ZNF227: variants seen among roughly 807,000 people sequenced by gnomAD.
ZNF227 encodes the protein zinc finger protein 227.
ZNF227 carries 12 observed loss-of-function variants against 13.2 expected under a neutral mutation model. The observed-to-expected ratio is 0.91, with a 90% CI of 0.58 to 1.47. The LOEUF (loss-of-function observed/expected upper bound fraction) is 1.47, where lower values mean the gene tolerates loss of function less well. Among genes scored for constraint, ZNF227 ranks in the 40% most tolerant of loss-of-function variants. The pLI, the probability that ZNF227 is intolerant of heterozygous loss-of-function variation, is 0.00. For synonymous variants in ZNF227, 338 were observed against 326.0 expected (o/e 1.04, Z -0.40); for missense variants, 885 against 967.5 (o/e 0.91, Z 1.13).
chr19:44,212,391 T>TTTTTTTTC (rs1555787739), upstream of ZNF227: 1 of 140,812 alleles, frequency 7.1e-6, no homozygotes, highest in African/African-American at 3.0e-5. Flanking sequence ...TTTTTTTTTT[T>TTTTTTTTC]CAAGCGCGAA....
chr19:44,229,607 G>C, intron 4 of ZNF227, 126 bp from the exon 5 acceptor site: 1 of 469,250 alleles, frequency 2.1e-6, no homozygotes. Flanking sequence ...GTGAGACTCT[G>C]TCTCAAAATA....
rs1311158831 is a variant in ZNF227, at chr19:44,230,924, A to AT, written c.271+1108_271+1109insT. Among the ~76,000 whole-genome samples, 431 of 88,172 alleles carry AT rather than the reference A, an allele frequency of 4.9e-3. 12 individuals carry two copies. Among genetic ancestry groups the AT allele is most frequent in the African/African-American group, 0.021 (296 of 13,782 alleles). The allele number at this position is 88,172 out of a possible 152,430, so 57.8% of individuals were successfully genotyped here. A position where few individuals can be genotyped will look rare whatever the true frequency, so the allele number is the denominator to read the frequency against. On this transcript the variant is annotated intron_variant, in intron 5 of 5. Coordinates refer to ENST00000313040, the MANE Select transcript of ZNF227 (RefSeq NM_182490.3). ...CCATCTCTACAAAAAAAAAAAAAAAAAAATATATATATATATATATATATA... is the reference window on the plus strand; with the variant it reads ...CCATCTCTACAAAAAAAAAAAAAAAATAAATATATATATATATATATATATA...
intron 3 of ZNF227, among the ~76,000 whole-genome samples, chr19:44,219,118 C>T (rs897321551): frequency 2.0e-5 from 3 of 152,166 alleles, no homozygotes; most frequent in Non-Finnish European, 2.9e-5. Context: ...AACTCCTGAC[C>T]TCAGATGATC....
rs914412136 is a variant in ZNF227 at position 44,235,560 on chromosome 19, A to G, written c.1130A>G (p.Glu377Gly). 6.2e-7 allele frequency: 1 copy of G among 1,614,094 alleles called. No individual in the cohort carries two copies. Among genetic ancestry groups the G allele is most frequent in the African/African-American group, 1.3e-5 (1 of 74,940 alleles). ...TGCCATCAGAGAGTCCACACTGAAG[A>G]AAAACCATACAAATGCGAAGAGTGT... ...FQCHQRVHTE[E>G]KPYKCEECGK... Residue 377 changes from glutamate (E) to glycine (G), a missense_variant, in exon 6 of 6, where the codon GAA (glutamate) becomes GGA (glycine). By Grantham distance (98) the Glu-to-Gly change is moderately conservative. Coordinates refer to ENST00000313040, the MANE Select transcript of ZNF227 (RefSeq NM_182490.3).
At chr19:44,208,135 A>G (rs909237116), upstream of ZNF227, among the ~76,000 whole-genome samples, 1 of 152,232 alleles carries the variant, frequency 6.6e-6, no homozygotes, top group Admixed American at 6.5e-5. Context: ...AAAGAAAAAT[A>G]TTATTAAAAA....
At position 44,233,419 on chromosome 19, in the gene ZNF227, T is replaced by C. The variant is rs1176659550; in HGVS notation, c.272-1283T>C. Among the ~76,000 whole-genome samples the C allele has an allele frequency of 3.3e-5, 5 of 152,156 alleles. No homozygotes were observed. The South Asian group carries it at 6.2e-4, about 19-fold the overall frequency. ...CTTGGTTTCATGGTGCACTAATGCATTGCAACAATTTGAAAACCCTTGTTA... is the reference window on the plus strand; with the variant it reads ...CTTGGTTTCATGGTGCACTAATGCACTGCAACAATTTGAAAACCCTTGTTA... On this transcript the variant is annotated intron_variant, in intron 5 of 5. Coordinates refer to ENST00000313040, the MANE Select transcript of ZNF227 (RefSeq NM_182490.3).
intron 5 of ZNF227, among the ~76,000 whole-genome samples, chr19:44,231,148 T>C (rs1973792804): frequency 6.6e-6 from 1 of 151,366 alleles, no homozygotes. Context: ...TCTTGCTTGC[T>C]CTGTCACCTA....
intron 5 of ZNF227, among the ~76,000 whole-genome samples, chr19:44,232,586 G>T (rs1387960338): frequency 6.6e-6 from 1 of 152,030 alleles, no homozygotes. Flanking sequence ...GTAAGGACTT[G>T]TGATTACTTT....
intron 3 of ZNF227, among the ~76,000 whole-genome samples, chr19:44,225,050 A>G (rs1972958280): frequency 6.6e-6 from 1 of 151,972 alleles, no homozygotes; most frequent in African/African-American, 2.4e-5. Context: ...TGGATATGAA[A>G]TTCTGGGTTG....
intron 3 of ZNF227, among the ~76,000 whole-genome samples, chr19:44,223,293 A>G (rs1199900861): frequency 7.9e-5 from 12 of 152,216 alleles, no homozygotes; most frequent in Non-Finnish European, 1.5e-4. Context: ...TGAGTTAGGG[A>G]GGATTCCCTC....
chr19:44,227,509 A>G (rs1017340479), intron 3 of ZNF227, among the ~76,000 whole-genome samples: 4 of 151,938 alleles, frequency 2.6e-5, no homozygotes, highest in Non-Finnish European at 5.9e-5. Flanking sequence ...CGGCCTCCCA[A>G]AGTGCTGGCA....
intron 3 of ZNF227, among the ~76,000 whole-genome samples, chr19:44,223,214 T>C (rs1362668888): frequency 1.3e-5 from 2 of 152,188 alleles, no homozygotes; most frequent in Non-Finnish European, 2.9e-5. Flanking sequence ...AGGATATTGG[T>C]CTAAAATTCT....
chr19:44,220,805 C>T (rs62117778), intron 3 of ZNF227, among the ~76,000 whole-genome samples: 40 of 152,154 alleles, frequency 2.6e-4, no homozygotes, highest in Non-Finnish European at 4.3e-4. Context: ...CTATCCCTCC[C>T]GCCTCCCCCA....
chr19:44,232,626 C>T (rs1315564210), intron 5 of ZNF227, among the ~76,000 whole-genome samples: 1 of 151,688 alleles, frequency 6.6e-6, no homozygotes, highest in African/African-American at 2.4e-5. Flanking sequence ...GGATAATCTC[C>T]TTAAGAGCTT....
chr19:44,230,310 C>T (rs1026391834), intron 5 of ZNF227, among the ~76,000 whole-genome samples: 2 of 152,102 alleles, frequency 1.3e-5, no homozygotes, highest in African/African-American at 4.8e-5. Flanking sequence ...TTGCCGCACC[C>T]GGCCCAGAAT....
At chr19:44,218,076 CTACCCTGCT>C (rs1360420200) in intron 3 of ZNF227, among the ~76,000 whole-genome samples, 3 of 152,204 alleles carry the variant, frequency 2.0e-5, no homozygotes, top group Non-Finnish European at 2.9e-5. Context: ...ATCTATGCTA[CTACCCTGCT>C]TATGAACTAG....
intron 3 of ZNF227, among the ~76,000 whole-genome samples, chr19:44,226,540 A>C (rs1307400558): frequency 1.3e-5 from 2 of 152,232 alleles, no homozygotes; most frequent in Admixed American, 6.5e-5. Context: ...CTGTGCTAGC[A>C]ATCAGCGAGA....
In ZNF227 at chr19:44,235,892, G is replaced by T. The variant is rs1415376091; in HGVS notation, c.1462G>T (p.Gly488Ter). 1 of 1,614,044 alleles carries T rather than the reference G, an allele frequency of 6.2e-7. No individual in the cohort carries two copies. Among genetic ancestry groups the T allele is most frequent in the African/African-American group, 1.3e-5 (1 of 74,920 alleles). ...GCATATTCATTTCAGAGTTCACACG[G>T]GAGAGAAACCCTATAAATGTAAGGA... is the stretch of plus-strand genomic sequence containing the variant. ...DLHIHFRVHT[G>*]EKPYKCKECG... is the part of the protein sequence containing the mutation. Residue 488 changes from glycine (G) to a stop codon, truncating the protein, a stop_gained, in exon 6 of 6, where the codon GGA becomes TGA. Transcript: ENST00000313040. LOFTEE classifies it low-confidence loss of function (END_TRUNC).
rs139979975 is a variant in ZNF227, at chr19:44,236,288, C to T, written c.1858C>T (p.Arg620Trp). ...GAGCTTCAGTCAGGCCATAGATTTT[C>T]GGGTACATCAGAGAGTCCATACTGG... ...DKSFSQAIDF[R>W]VHQRVHTGEK... The change falls in exon 6 of 6, where the codon CGG becomes TGG. Residue 620 changes from arginine (R) to tryptophan (W), a missense_variant. Arg to Trp is a moderately radical substitution (Grantham distance 101). Coordinates refer to ENST00000313040, the MANE Select transcript of ZNF227 (RefSeq NM_182490.3). The T allele has an allele frequency of 2.1e-4, 337 of 1,613,696 alleles. 3 individuals are homozygous for T. In the East Asian group the frequency reaches 7.2e-3, roughly 34 times the overall value.
Sources: gnomAD v4.1 joint callset for allele counts (sites outside exome capture counted in the v4.1 genomes callset) on GRCh38, gnomAD v4.1.1 for gene constraint, MANE v1.5 for transcripts, NCBI Gene and HGNC (gene_info 2026-07-23, HGNC 2026-07-21) for gene names.